TRIOBP: variants seen among roughly 807,000 people sequenced by gnomAD.
The protein encoded by TRIOBP is TRIO and F-actin-binding protein.
In TRIOBP, 169 loss-of-function variants were observed where a neutral mutation model predicts 238.8. The observed-to-expected ratio is 0.71, with a 90% CI of 0.62 to 0.80. The LOEUF (loss-of-function observed/expected upper bound fraction) is 0.80, where lower values mean the gene tolerates loss of function less well. Among genes scored for constraint, TRIOBP ranks in the 30% least tolerant of loss-of-function variants. The pLI is 0.00. For missense variants in TRIOBP, 2,838 were observed against 3,122.6 expected, an observed-to-expected ratio of 0.91 and a Z score of 2.17; for synonymous variants, 1,150 against 1,274.4, an observed-to-expected ratio of 0.90 and a Z score of 2.08.
At position 37,725,237 on chromosome 22, in the gene TRIOBP, A is replaced by G. The variant is rs768476573; in HGVS notation, c.2681A>G (p.Asn894Ser). ...TCCACTCAATGGAACAATCCCAGGA[A>G]TTCATCTCCCCATCGTACTAACAAA... ...HRSTQWNNPR[N>S]SSPHRTNKDI... is the part of the protein sequence containing the mutation. Residue 894 changes from asparagine (N) to serine (S), a missense_variant, in exon 7 of 24, where the codon AAT becomes AGT. By Grantham distance (46) the Asn-to-Ser change is conservative. Coordinates refer to ENST00000644935, the MANE Select transcript of TRIOBP (RefSeq NM_001039141.3). 1.9e-6 allele frequency: 3 copies of G among 1,605,970 alleles called. No individual in the cohort carries two copies. Among genetic ancestry groups the G allele is most frequent in the East Asian group, 4.5e-5 (2 of 44,734 alleles).
intron 15 of TRIOBP, 127 bp from the exon 16 acceptor site, chr22:37,757,486 C>T: frequency 3.0e-6 from 4 of 1,341,556 alleles, no homozygotes; most frequent in Non-Finnish European, 4.1e-6. Flanking sequence ...GGTCGGGCTG[C>T]TTCCTTCCCT....
chr22:37,772,467 A>G, intron 22 of TRIOBP, 134 bp from the exon 23 acceptor site: 2 of 1,282,762 alleles, frequency 1.6e-6, no homozygotes, highest in Non-Finnish European at 2.2e-6. Context: ...ACCCACGGCC[A>G]TCTTGGGGAG....
intron 7 of TRIOBP, among the ~76,000 whole-genome samples, chr22:37,729,645 TA>T (rs1924331672): frequency 6.6e-6 from 1 of 152,236 alleles, no homozygotes; most frequent in African/African-American, 2.4e-5. Flanking sequence ...TTTATATTAA[TA>T]ATAGAAATGA....
intron 16 of TRIOBP, among the ~76,000 whole-genome samples, chr22:37,758,742 G>A (rs58625318): frequency 0.14 from 20,672 of 151,758 alleles, 3,601 homozygotes; most frequent in African/African-American, 0.4. Context: ...TCTGCCCGTG[G>A]CCTCCCTGCC....
At chr22:37,723,083 G>T in intron 6 of TRIOBP, 102 bp from the exon 7 acceptor site, 1 of 1,161,226 alleles carries the variant, frequency 8.6e-7, no homozygotes. Flanking sequence ...AGGAGGGTGT[G>T]GGGTTTGCCC....
At chr22:37,771,787 G>T in intron 22 of TRIOBP, 51 bp downstream of exon 22, 1 of 1,554,194 alleles carries the variant, frequency 6.4e-7, no homozygotes, top group Non-Finnish European at 8.9e-7. Context: ...GAGCCATCTG[G>T]ATGCCATCCT....
Position 37,758,053 on chromosome 22 carries a change from G to A in TRIOBP, c.6128G>A (p.Arg2043Gln), listed in dbSNP as rs773438304. Residue 2043 changes from arginine to glutamine, a missense_variant, in exon 16 of 24, where the codon CGG becomes CAG. By Grantham distance (43) the Arg-to-Gln change is conservative (BLOSUM62 1). Coordinates refer to ENST00000644935, the MANE Select transcript of TRIOBP (RefSeq NM_001039141.3). ...AAGCTGCCCCTGCGGGAGAATAAGCGGGTGCCCCTCACTGCCCTGCTCAAC... is the reference window on the plus strand; with the variant it reads ...AAGCTGCCCCTGCGGGAGAATAAGCAGGTGCCCCTCACTGCCCTGCTCAAC... ...LEKLPLRENK[R>Q]VPLTALLNQS... The A allele has an allele frequency of 9.9e-6, 16 of 1,611,888 alleles. No individual in the cohort carries two copies. The highest frequency in any genetic ancestry group is 1.9e-4 in the Middle Eastern group (1 of 5,352).
intron 5 of TRIOBP, among the ~76,000 whole-genome samples, chr22:37,715,479 A>T (rs2145824022): frequency 6.6e-6 from 1 of 152,128 alleles, no homozygotes; most frequent in East Asian, 1.9e-4. Flanking sequence ...AGTAGCTGGG[A>T]CTACAGGTGC....
rs1927021593 is a variant in TRIOBP, at chr22:37,776,154, C to T, written c.*2374C>T. 6.6e-6 allele frequency: 1 copy of T among 152,332 alleles called. No homozygotes were observed. Among genetic ancestry groups the T allele is most frequent in the Admixed American group, 6.5e-5 (1 of 15,292 alleles). 9.4% of individuals were successfully genotyped at this position (152,332 alleles called of 1,614,324 possible). A position where few individuals can be genotyped will look rare whatever the true frequency, so the allele number is the denominator to read the frequency against. On this transcript the variant is annotated 3_prime_UTR_variant, in exon 24 of 24. Coordinates refer to ENST00000644935, the MANE Select transcript of TRIOBP (RefSeq NM_001039141.3). ...TCCTCTTCACCAACCCCCCTCCCAT[C>T]CCTCCTCAGGGCTGCCTAGGGCAGC... is the stretch of plus-strand genomic sequence containing the variant.
At position 37,726,125 on chromosome 22, in the gene TRIOBP, A is replaced by T. The variant is rs763273357; in HGVS notation, c.3569A>T (p.Asp1190Val). Residue 1190 changes from aspartate (D) to valine (V), a missense_variant, in exon 7 of 24, where the codon GAT becomes GTT. This residue lies in a region of TRIOBP where 2,096 missense variants were observed against 2,137.4 expected (regional missense o/e 0.98). Transcript: ENST00000644935. ...QAPEPSLFFQ[D>V]PPGTSMESLA... is the part of the protein sequence containing the mutation. ...CCTGAGCCATCCCTCTTCTTCCAGG[A>T]TCCCCCTGGAACTAGTATGGAGAGC... is the stretch of plus-strand genomic sequence containing the variant. The T allele has an allele frequency of 4.5e-6, 7 of 1,550,276 alleles. No homozygotes were observed. The Admixed American group carries it at 1.3e-4, about 28-fold the overall frequency.
intron 10 of TRIOBP, 92 bp from the exon 11 acceptor site, chr22:37,740,803 G>C: frequency 1.3e-6 from 2 of 1,532,866 alleles, no homozygotes; most frequent in African/African-American, 1.4e-5. Context: ...CCATGGTGGG[G>C]GGCACCACAG....
intron 2 of TRIOBP, among the ~76,000 whole-genome samples, chr22:37,699,366 C>G (rs535804101): frequency 6.6e-6 from 1 of 151,956 alleles, no homozygotes; most frequent in Non-Finnish European, 1.5e-5. Context: ...CTTCCACCTC[C>G]GAGAGAGCAG....
At chr22:37,712,628 C>T (rs1373909226) in intron 4 of TRIOBP, among the ~76,000 whole-genome samples, 1 of 151,834 alleles carries the variant, frequency 6.6e-6, no homozygotes, top group African/African-American at 2.4e-5. Flanking sequence ...AGCCACTGCG[C>T]CCGGCCTAAA....
chr22:37,748,498 C>T (rs1925400321), intron 11 of TRIOBP, among the ~76,000 whole-genome samples: 1 of 152,190 alleles, frequency 6.6e-6, no homozygotes. Flanking sequence ...TTTACTGTCT[C>T]TTTCCTACAG....
intron 10 of TRIOBP, among the ~76,000 whole-genome samples, chr22:37,739,226 C>T (rs1924822844): frequency 6.6e-6 from 1 of 152,166 alleles, no homozygotes; most frequent in Non-Finnish European, 1.5e-5. Flanking sequence ...GTGAGCACAA[C>T]TCTGCCCGCC....
chr22:37,725,771 G>T lies in TRIOBP; in HGVS notation c.3215G>T (p.Arg1072Leu), dbSNP rs1413312491. ...AVCIGHRDAP[R>L]ASSPPRHTQF... ...TGCATTGGACACCGAGATGCCCCCC[G>T]GGCGTCCTCGCCCCCCCGCCACACC... The change falls in exon 7 of 24, where the codon CGG (arginine) becomes CTG (leucine). Residue 1072 changes from arginine to leucine, a missense_variant. Physicochemically the swap from Arg to Leu is moderately radical, Grantham distance 102. This residue lies in a region of TRIOBP where 2,096 missense variants were observed against 2,137.4 expected (regional missense o/e 0.98). Transcript: ENST00000644935. 2.6e-6 allele frequency: 4 copies of T among 1,554,836 alleles called. No individual in the cohort carries two copies. The highest frequency in any genetic ancestry group is 1.6e-5 in the African/African-American group (1 of 61,222).
intron 3 of TRIOBP, among the ~76,000 whole-genome samples, chr22:37,707,416 G>A (rs1923001662): frequency 6.6e-6 from 1 of 152,122 alleles, no homozygotes; most frequent in African/African-American, 2.4e-5. Flanking sequence ...TGAAGGAATG[G>A]GTGGGTTTTT....
At chr22:37,705,903 G>A (rs1922921239) in intron 3 of TRIOBP, among the ~76,000 whole-genome samples, 1 of 152,154 alleles carries the variant, frequency 6.6e-6, no homozygotes, top group Non-Finnish European at 1.5e-5. Context: ...AAATAAGGGA[G>A]TGACGTGCTC....
chr22:37,762,784 G>T (rs1042488042), intron 17 of TRIOBP, among the ~76,000 whole-genome samples: 2 of 152,170 alleles, frequency 1.3e-5, no homozygotes, highest in African/African-American at 4.8e-5. Context: ...GGACCTGGAG[G>T]AGTGACAGCT....
Sources: gnomAD v4.1 joint callset for allele counts (sites outside exome capture counted in the v4.1 genomes callset) on GRCh38, gnomAD v4.1.1 for gene constraint, gnomAD v4.1.1 regional missense constraint, MANE v1.5 for transcripts, NCBI Gene and HGNC (gene_info 2026-07-23, HGNC 2026-07-21) for gene names.